Variants in BIVM observed in about 807,000 individuals in gnomAD.
The protein encoded by BIVM is basic immunoglobulin-like variable motif-containing protein.
Under a neutral mutation model 61.4 loss-of-function variants are expected in BIVM, and 31 were observed. That is an observed-to-expected ratio of 0.51 (90% CI 0.38 to 0.68). The LOEUF (loss-of-function observed/expected upper bound fraction) is 0.68, where lower values mean the gene tolerates loss of function less well. BIVM is among the 30% of genes least tolerant of loss of function. The pLI is 0.00. For missense variants in BIVM, 526 were observed against 596.0 expected, an observed-to-expected ratio of 0.88 and a Z score of 1.22; for synonymous variants, 189 against 210.7, an observed-to-expected ratio of 0.90 and a Z score of 0.89.
chr13:102,831,956 A>G (rs1442626893), intron 8 of BIVM, among the ~76,000 whole-genome samples: 1 of 149,690 alleles, frequency 6.7e-6, no homozygotes, highest in Non-Finnish European at 1.5e-5. Flanking sequence ...GAGGGAGGAG[A>G]ATGGCGTGAA....
intron 7 of BIVM, among the ~76,000 whole-genome samples, chr13:102,825,567 G>C (rs888984545): frequency 3.3e-5 from 5 of 152,168 alleles, no homozygotes; most frequent in Non-Finnish European, 7.3e-5. Context: ...ACTGGCTTTC[G>C]AATATCCTGC....
intron 7 of BIVM, among the ~76,000 whole-genome samples, chr13:102,826,679 G>A (rs1007582204): frequency 8.5e-5 from 13 of 152,196 alleles, no homozygotes; most frequent in Non-Finnish European, 1.9e-4. Flanking sequence ...AAGGCCCTGG[G>A]AGACACCAGA....
At chr13:102,820,985 A>G in intron 4 of BIVM, 52 bp from the exon 5 acceptor site, 2 of 1,523,778 alleles carry the variant, frequency 1.3e-6, no homozygotes, top group Non-Finnish European at 1.8e-6. Flanking sequence ...TATTTCTAGC[A>G]TGCATATTTT....
chr13:102,820,772 T>C (rs867141914), intron 4 of BIVM: 33 of 367,880 alleles, frequency 9.0e-5, no homozygotes, highest in Middle Eastern at 7.9e-4. Flanking sequence ...ATAGGCGATA[T>C]ATCATTATTT....
chr13:102,811,825 G>A lies in BIVM; in HGVS notation c.478+4080G>A, dbSNP rs952949693. ...GGCGTGAGCCACCGTGCCCAGCCTT[G>A]CAATTTTATTATAACATATATTGGT... is the stretch of plus-strand genomic sequence containing the variant. On this transcript the variant is annotated intron_variant, in intron 3 of 10. Coordinates refer to ENST00000257336, the MANE Select transcript of BIVM (RefSeq NM_017693.4). Among the ~76,000 whole-genome samples the A allele has an allele frequency of 2.6e-5, 4 of 152,152 alleles. No homozygotes were observed. The East Asian group carries it at 7.7e-4, about 29-fold the overall frequency.
intron 7 of BIVM, among the ~76,000 whole-genome samples, chr13:102,823,592 G>A (rs1034403586): frequency 6.6e-6 from 1 of 152,090 alleles, no homozygotes; most frequent in African/African-American, 2.4e-5. Flanking sequence ...ATGCTGTGTT[G>A]CTATTTATTT....
Position 102,834,482 on chromosome 13 carries a change from C to G in BIVM, c.1051C>G (p.Pro351Ala). 1 of 1,599,116 alleles carries G rather than the reference C, an allele frequency of 6.3e-7. No individual in the cohort carries two copies. Among genetic ancestry groups the G allele is most frequent in the South Asian group, 1.1e-5 (1 of 88,056 alleles). ...NKAFSRGPLS[P>A]QEVEYWILIG... ...TATATTTAGCAGGGGACCTCTCTCA[C>G]CACAGGAAGTTGAATATTGGATCTT... Residue 351 changes from proline (P) to alanine (A), a missense_variant, in exon 9 of 11, where the codon CCA becomes GCA. Physicochemically the swap from Pro to Ala is conservative, Grantham distance 27. This residue lies in a region of BIVM where 210 missense variants were observed against 233.1 expected (regional missense o/e 0.90). Coordinates refer to ENST00000257336, the MANE Select transcript of BIVM (RefSeq NM_017693.4).
At chr13:102,805,021 A>T (rs1836534998) in intron 1 of BIVM, among the ~76,000 whole-genome samples, 2 of 152,208 alleles carry the variant, frequency 1.3e-5, no homozygotes, top group South Asian at 4.1e-4. Flanking sequence ...TATTTTTGGT[A>T]ACCCATGACA....
intron 7 of BIVM, among the ~76,000 whole-genome samples, chr13:102,825,410 G>T (rs992042661): frequency 6.6e-6 from 1 of 152,060 alleles, no homozygotes; most frequent in Admixed American, 6.5e-5. Context: ...ATTTTCTTTT[G>T]ATTTTTAACA....
Position 102,799,500 on chromosome 13 carries a change from G to C in BIVM, c.-228G>C, listed in dbSNP as rs1467703046. On this transcript the variant is annotated 5_prime_UTR_variant, in exon 1 of 11. Coordinates refer to ENST00000257336, the MANE Select transcript of BIVM (RefSeq NM_017693.4). The stretch of plus-strand genomic sequence containing the variant: ...GGTTCCGCCGCGGCCGCAGCGACCC[G>C]ACCCCACCCGACAGGCCAGAGGTAC... 2 of 152,218 alleles carry C rather than the reference G, an allele frequency of 1.3e-5. No individual in the cohort carries two copies. The highest frequency in any genetic ancestry group is 4.8e-5 in the African/African-American group (2 of 41,460). The allele number at this position is 152,218 out of a possible 1,614,324, so 9.4% of individuals were successfully genotyped here. A position where few individuals can be genotyped will look rare whatever the true frequency, so the allele number is the denominator to read the frequency against.
At position 102,802,069 on chromosome 13, in the gene BIVM, T is replaced by C. The variant is rs559761655; in HGVS notation, c.-207+2548T>C. The stretch of plus-strand genomic sequence containing the variant: ...CAGAGGCTTTCAGGCAGAGGAGTTC[T>C]GTGATCATATATATGTAGCAAACTT... On this transcript the variant is annotated intron_variant, in intron 1 of 10. Coordinates refer to ENST00000257336, the MANE Select transcript of BIVM (RefSeq NM_017693.4). 3.3e-5 allele frequency among the ~76,000 whole-genome samples: 5 copies of C among 152,332 alleles called. No individual in the cohort carries two copies. The South Asian group carries it at 1.0e-3, about 32-fold the overall frequency.
In BIVM at chr13:102,840,064, CAGATTA is replaced by C; in HGVS notation, c.*200_*205del. On this transcript the variant is annotated 3_prime_UTR_variant, in exon 11 of 11. Transcript: ENST00000257336. Reference sequence around the variant, plus strand: ...TTTCAGATATATAAGCAGATAAGCACAGATTATTGTCCTTTCAAGTTAAGAGTATAT... The same window carrying C: ...TTTCAGATATATAAGCAGATAAGCACTTGTCCTTTCAAGTTAAGAGTATAT... 1.9e-6 allele frequency: 1 copy of C among 515,768 alleles called. No individual in the cohort carries two copies. Among genetic ancestry groups the C allele is most frequent in the East Asian group, 3.1e-5 (1 of 32,228 alleles). The allele number at this position is 515,768 out of a possible 1,614,324, so 31.9% of individuals were successfully genotyped here.
In BIVM at chr13:102,838,688, C is replaced by T. The variant is rs764708327; in HGVS notation, c.1167C>T (p.Tyr389=). The change falls in exon 10 of 11, where the codon TAC becomes TAT. Residue 389 remains tyrosine, a synonymous_variant. Transcript: ENST00000257336. ...ATCTAAACACTCAAAATCCAGAATA[C>T]CTGGATATCCGGCACTTAGAGAGGG... is the stretch of plus-strand genomic sequence containing the variant. The part of the protein sequence containing the change: ...VTDLNTQNPE[Y]LDIRHLERGL... 7 of 1,613,202 alleles carry T rather than the reference C, an allele frequency of 4.3e-6. No homozygotes were observed. The South Asian group carries it at 7.7e-5, about 18-fold the overall frequency.
chr13:102,814,041 T>C (rs1366545198), intron 3 of BIVM, among the ~76,000 whole-genome samples: 2 of 152,174 alleles, frequency 1.3e-5, no homozygotes, highest in Non-Finnish European at 2.9e-5. Context: ...TACCTTTTTC[T>C]AAAAGTCAGT....
rs1462100523 is a variant in BIVM at position 102,807,416 on chromosome 13, A to G, written c.149A>G (p.Asp50Gly). 6.2e-7 allele frequency: 1 copy of G among 1,614,208 alleles called. No homozygotes were observed. The highest frequency in any genetic ancestry group is 1.1e-5 in the South Asian group (1 of 91,086). Residue 50 changes from aspartate (D) to glycine (G), a missense_variant, in exon 3 of 11, where the codon GAT (aspartate) becomes GGT (glycine). Asp to Gly is a moderately conservative substitution (Grantham distance 94). Coordinates refer to ENST00000257336, the MANE Select transcript of BIVM (RefSeq NM_017693.4). This position sits in a 1 kb window ranked among gnomAD's most constrained non-coding sequence, Gnocchi z 4.0. ...ASGAPLGPKGDGHYPWSCPVT... is the reference protein window; with the variant it reads ...ASGAPLGPKGGGHYPWSCPVT... The stretch of plus-strand genomic sequence containing the variant: ...GGAGCACCCTTGGGTCCCAAAGGAG[A>G]TGGTCATTATCCATGGAGTTGTCCA...
chr13:102,804,707 G>A lies in BIVM; in HGVS notation c.-206-600G>A, dbSNP rs145378173. Among the ~76,000 whole-genome samples, 790 of 152,224 alleles carry A rather than the reference G, an allele frequency of 5.2e-3. 16 individuals are homozygous for A. The highest frequency in any genetic ancestry group is 0.049 in the East Asian group (254 of 5,176). On this transcript the variant is annotated intron_variant, in intron 1 of 10. Transcript: ENST00000257336. ...ACTCCTGACCTCAAATGATCCACCC[G>A]CCTCAGCCTCCCAAAGTGCTGGGAT...
At chr13:102,803,172 A>AG (rs1878853767) in intron 1 of BIVM, among the ~76,000 whole-genome samples, 1 of 151,890 alleles carries the variant, frequency 6.6e-6, no homozygotes, top group South Asian at 2.1e-4. Context: ...AAAAAAAAAA[A>AG]AAAAGGTTAT....
In BIVM at chr13:102,807,277, GT is replaced by G; in HGVS notation, c.12del (p.Ala5GlnfsTer29). The part of the protein sequence containing the change: MPN[V>X]AETERSNDSG... ...TTTTACACTGCATTCAATGCCTAAC[GT>G]TGCAGAAACAGAAAGGTCAAATGAT... On this transcript the variant is annotated frameshift_variant, in exon 3 of 11. Coordinates refer to ENST00000257336, the MANE Select transcript of BIVM (RefSeq NM_017693.4). LOFTEE classifies it high-confidence loss of function. This position sits in a 1 kb window ranked among gnomAD's most constrained non-coding sequence, Gnocchi z 4.0. The G allele has an allele frequency of 1.2e-6, 2 of 1,605,260 alleles. No individual in the cohort carries two copies. Among genetic ancestry groups the G allele is most frequent in the East Asian group, 4.5e-5 (2 of 44,668 alleles).
At chr13:102,825,885 C>T (rs1880633948) in intron 7 of BIVM, among the ~76,000 whole-genome samples, 1 of 152,106 alleles carries the variant, frequency 6.6e-6, no homozygotes, top group East Asian at 1.9e-4. Context: ...CCATGTGTGC[C>T]TCTGGTAGAA....
Sources: allele counts gnomAD v4.1 joint callset (sites outside exome capture counted in the v4.1 genomes callset), GRCh38; gene constraint gnomAD v4.1.1; regional missense constraint gnomAD v4.1.1; non-coding constraint Gnocchi (gnomAD v3.1); transcripts MANE v1.5; gene names NCBI Gene and HGNC (gene_info 2026-07-23, HGNC 2026-07-21).